The following ZNF521 variants were observed in gnomAD, a reference collection of about 807,000 sequenced individuals.
ZNF521 encodes the protein LYST-interacting protein 3.
Under a neutral mutation model 105.5 loss-of-function variants are expected in ZNF521, and 14 were observed. The ratio of observed to expected loss-of-function variants is 0.13; its 90% CI spans 0.09 to 0.21. The LOEUF (loss-of-function observed/expected upper bound fraction) is 0.21, where lower values mean the gene tolerates loss of function less well. Ranked by LOEUF, ZNF521 falls within the 10% of genes least tolerant of loss-of-function variation. The pLI, the probability that ZNF521 is intolerant of heterozygous loss-of-function variation, is 1.00. For synonymous variants in ZNF521, 635 were observed against 606.0 expected (o/e 1.05, Z -0.70); for missense variants, 1,233 against 1,629.7 (o/e 0.76, Z 4.19).
intron 5 of ZNF521, among the ~76,000 whole-genome samples, chr18:25,135,145 C>T (rs1026830367): frequency 1.3e-5 from 2 of 152,042 alleles, no homozygotes; most frequent in African/African-American, 4.8e-5. Flanking sequence ...AGACAGTGGC[C>T]TCTTGCTACC....
At chr18:25,089,943 C>T (rs2033708231) in intron 6 of ZNF521, among the ~76,000 whole-genome samples, 2 of 152,142 alleles carry the variant, frequency 1.3e-5, no homozygotes, top group South Asian at 4.1e-4. Context: ...GATGCCAAAA[C>T]CCTGTTTATT....
intron 3 of ZNF521, among the ~76,000 whole-genome samples, chr18:25,298,530 C>G (rs1911449070): frequency 6.6e-6 from 1 of 152,142 alleles, no homozygotes. Flanking sequence ...GTGAAGCAGA[C>G]CACCACTCTA....
At chr18:25,164,659 A>G (rs1326056128) in intron 5 of ZNF521, among the ~76,000 whole-genome samples, 1 of 152,106 alleles carries the variant, frequency 6.6e-6, no homozygotes, top group African/African-American at 2.4e-5. Flanking sequence ...CTCCCCATAC[A>G]AGGGAAGCAT....
chr18:25,187,225 A>G (rs1017687369), intron 5 of ZNF521, among the ~76,000 whole-genome samples: 1 of 152,188 alleles, frequency 6.6e-6, no homozygotes, highest in African/African-American at 2.4e-5. Context: ...GTGTGAAAAG[A>G]GACTGTAATC....
intron 2 of ZNF521, among the ~76,000 whole-genome samples, chr18:25,341,161 A>G (rs1406135726): frequency 1.3e-5 from 2 of 152,162 alleles, no homozygotes; most frequent in Admixed American, 6.5e-5. Flanking sequence ...TGATTCAGTA[A>G]AAGTTTATTT....
chr18:25,229,499 G>A (rs1180517765), intron 3 of ZNF521, among the ~76,000 whole-genome samples: 1 of 151,408 alleles, frequency 6.6e-6, no homozygotes, highest in Non-Finnish European at 1.5e-5. Flanking sequence ...AATACACCAG[G>A]AACATATGCA....
intron 5 of ZNF521, among the ~76,000 whole-genome samples, chr18:25,128,696 A>G (rs2034582599): frequency 6.6e-6 from 1 of 152,064 alleles, no homozygotes; most frequent in South Asian, 2.1e-4. Context: ...AGAACACATC[A>G]TTCATATTAA....
chr18:25,227,318 C>T lies in ZNF521; in HGVS notation c.600G>A (p.Lys200=), dbSNP rs1160603123. 1.2e-6 allele frequency: 2 copies of T among 1,614,144 alleles called. No individual in the cohort carries two copies. The highest frequency in any genetic ancestry group is 1.7e-6 in the Non-Finnish European group (2 of 1,180,020). The change falls in exon 4 of 8, where the codon AAG becomes AAA. Residue 200 remains lysine (K), a synonymous_variant. Transcript: ENST00000361524. The surrounding 1 kb of genome is among the most constrained non-coding windows in gnomAD (Gnocchi z 5.7). The part of the protein sequence containing the change: ...KIHLKTHTSN[K]PYKCAICRRG... ...GGCGACAAATGGCACATTTATATGG[C>T]TTGTTGGACGTGTGAGTCTTTAAGT... is the stretch of plus-strand genomic sequence containing the variant.
intron 3 of ZNF521, among the ~76,000 whole-genome samples, chr18:25,298,830 C>T (rs1029917012): frequency 1.3e-5 from 2 of 152,148 alleles, no homozygotes; most frequent in Admixed American, 6.6e-5. Context: ...GTAACTAACA[C>T]ACCTATAGCT....
intron 5 of ZNF521, among the ~76,000 whole-genome samples, chr18:25,104,132 A>T (rs1225889847): frequency 6.6e-6 from 1 of 152,192 alleles, no homozygotes; most frequent in East Asian, 1.9e-4. Flanking sequence ...ATGTCAAATT[A>T]TAAATATGTC....
intron 7 of ZNF521, among the ~76,000 whole-genome samples, chr18:25,073,673 A>G (rs560103191): frequency 1.5e-4 from 23 of 152,350 alleles, no homozygotes; most frequent in Admixed American, 1.4e-3. Flanking sequence ...CTGCTTTTCC[A>G]CTTGATAGGG....
At chr18:25,152,655 A>G (rs893452081) in intron 5 of ZNF521, among the ~76,000 whole-genome samples, 4 of 152,090 alleles carry the variant, frequency 2.6e-5, no homozygotes, top group African/African-American at 9.7e-5. Context: ...ACCCCGGAAA[A>G]TTATGATATT....
At chr18:25,230,897 T>C (rs1170891977) in intron 3 of ZNF521, among the ~76,000 whole-genome samples, 1 of 152,182 alleles carries the variant, frequency 6.6e-6, no homozygotes. Flanking sequence ...TGCAGATGTT[T>C]TTCTACAGCA....
intron 5 of ZNF521, among the ~76,000 whole-genome samples, chr18:25,183,218 G>A (rs768081516): frequency 3.3e-5 from 5 of 151,886 alleles, no homozygotes; most frequent in Non-Finnish European, 5.9e-5. Flanking sequence ...ACTATAAATC[G>A]ATTTCCCCTC....
intron 3 of ZNF521, among the ~76,000 whole-genome samples, chr18:25,315,219 G>C (rs1476713146): frequency 2.6e-5 from 4 of 152,150 alleles, no homozygotes; most frequent in Non-Finnish European, 5.9e-5. Flanking sequence ...CCAGGAAAAA[G>C]ACAGCAAGGC....
chr18:25,290,466 G>T (rs1371881158), intron 3 of ZNF521, among the ~76,000 whole-genome samples: 5 of 152,064 alleles, frequency 3.3e-5, no homozygotes, highest in Admixed American at 3.3e-4. Flanking sequence ...TGGGCCCCTC[G>T]CTGGGAGCCC....
intron 7 of ZNF521, among the ~76,000 whole-genome samples, chr18:25,085,960 A>G (rs2033614301): frequency 6.6e-6 from 1 of 152,116 alleles, no homozygotes; most frequent in African/African-American, 2.4e-5. Context: ...CCTTGATAGA[A>G]AAGCCAAATA....
At chr18:25,270,157 C>G (rs1909554407) in intron 3 of ZNF521, among the ~76,000 whole-genome samples, 1 of 152,198 alleles carries the variant, frequency 6.6e-6, no homozygotes, top group Admixed American at 6.5e-5. Context: ...ATAAACATCT[C>G]TATGCAAATA....
chr18:25,288,186 C>T (rs1910812293), intron 3 of ZNF521, among the ~76,000 whole-genome samples: 1 of 152,172 alleles, frequency 6.6e-6, no homozygotes, highest in Non-Finnish European at 1.5e-5. Context: ...ACTCTGCATA[C>T]ATATTTGGAT....
Sources: gnomAD v4.1 joint callset for allele counts (sites outside exome capture counted in the v4.1 genomes callset) on GRCh38, gnomAD v4.1.1 for gene constraint, Gnocchi (gnomAD v3.1) non-coding constraint, MANE v1.5 for transcripts, NCBI Gene and HGNC (gene_info 2026-07-23, HGNC 2026-07-21) for gene names.